ZAR1L: variants seen among roughly 807,000 people sequenced by gnomAD.
The protein encoded by ZAR1L is zygote arrest 1 like.
Under a neutral mutation model 30.0 loss-of-function variants are expected in ZAR1L, and 16 were observed. The observed-to-expected ratio is 0.53, with a 90% confidence interval of 0.36 to 0.81. The LOEUF is 0.81. Ranked by LOEUF, ZAR1L falls within the 30% of genes least tolerant of loss-of-function variation. The probability of loss-of-function intolerance (pLI) is 0.00; values close to 1 mark genes in which losing one functional copy is unlikely to be tolerated. For synonymous variants in ZAR1L, 197 were observed against 166.8 expected (o/e 1.18, Z -1.40); for missense variants, 392 against 417.2 (o/e 0.94, Z 0.53).
chr13:32,304,110 A>G (rs2072157709), intron 5 of ZAR1L, 88 bp from the exon 6 acceptor site: 2 of 1,369,546 alleles, frequency 1.5e-6, no homozygotes, highest in African/African-American at 2.9e-5. Context: ...TCTCCCTATT[A>G]CCCTATCCCT....
chr13:32,314,733 T>C (rs2072237324), intron 1 of ZAR1L, among the ~76,000 whole-genome samples, 183 bp from the exon 2 acceptor site: 1 of 152,098 alleles, frequency 6.6e-6, no homozygotes. Context: ...ATGCCTGTAT[T>C]CCCAGCTACT....
intron 2 of ZAR1L, 96 bp from the exon 3 acceptor site, chr13:32,312,189 T>C: frequency 2.3e-6 from 1 of 433,454 alleles, no homozygotes; most frequent in Non-Finnish European, 4.1e-6. Context: ...TCGGGAATCT[T>C]TTTTTCAAAG....
intron 5 of ZAR1L, among the ~76,000 whole-genome samples, chr13:32,306,043 C>CA (rs746140629): frequency 6.6e-6 from 1 of 151,970 alleles, no homozygotes; most frequent in Non-Finnish European, 1.5e-5. Context: ...ATATTTCCAG[C>CA]AAAAAATTGA....
At chr13:32,309,763 T>C (rs1054766512) in intron 4 of ZAR1L, among the ~76,000 whole-genome samples, 1 of 152,232 alleles carries the variant, frequency 6.6e-6, no homozygotes, top group Non-Finnish European at 1.5e-5. Context: ...TGTATCCTAG[T>C]GCCTTGGAAT....
At chr13:32,306,337 T>C (rs1269772453) in intron 5 of ZAR1L, among the ~76,000 whole-genome samples, 1 of 152,146 alleles carries the variant, frequency 6.6e-6, no homozygotes, top group Non-Finnish European at 1.5e-5. Flanking sequence ...AAGATAACAG[T>C]TGATAATTTC....
At chr13:32,307,891 C>A (rs1169924255) in intron 5 of ZAR1L, among the ~76,000 whole-genome samples, 1 of 152,160 alleles carries the variant, frequency 6.6e-6, no homozygotes, top group East Asian at 1.9e-4. Flanking sequence ...CAACCTCCTC[C>A]TCCTGGGTTC....
At chr13:32,304,234 C>T (rs2072158433) in intron 5 of ZAR1L, among the ~76,000 whole-genome samples, 1 of 152,056 alleles carries the variant, frequency 6.6e-6, no homozygotes, top group Admixed American at 6.5e-5. Context: ...AGAAGATATT[C>T]AAGAGAATAC....
At chr13:32,311,198 T>C in intron 3 of ZAR1L, 74 bp downstream of exon 3, 2 of 1,439,418 alleles carry the variant, frequency 1.4e-6, no homozygotes, top group South Asian at 2.9e-5. Flanking sequence ...TTTGCTCTTA[T>C]TGCCCCCATA....
rs758543912 is a variant in ZAR1L, at chr13:32,311,449, G to T, written c.477C>A (p.Gly159=). ...GDEAESKALP[G]PAEASQPQPP... ...GCTGCGGCTGGCTGGCCTCCGCAGG[G>T]CCCGGGAGCGCCTTGCTCTCCGCTT... Residue 159 remains glycine, a synonymous_variant, in exon 3 of 6, where the codon GGC becomes GGA. Coordinates refer to ENST00000533490, the MANE Select transcript of ZAR1L (RefSeq NM_001136571.2). 1.9e-6 allele frequency: 3 copies of T among 1,547,508 alleles called. No individual in the cohort carries two copies. The highest frequency in any genetic ancestry group is 2.4e-5 in the South Asian group (2 of 84,040).
At chr13:32,305,280 G>A (rs141375967) in intron 5 of ZAR1L, among the ~76,000 whole-genome samples, 1,672 of 151,228 alleles carry the variant, frequency 0.011, 36 homozygotes, top group African/African-American at 0.039. Context: ...AGGCTGGACT[G>A]CAGTGGCGCT....
intron 5 of ZAR1L, among the ~76,000 whole-genome samples, chr13:32,304,385 T>C (rs1321382151): frequency 1.3e-5 from 2 of 152,234 alleles, no homozygotes; most frequent in Non-Finnish European, 2.9e-5. Context: ...AAGAGTTTTA[T>C]AGCGTTTCTT....
At chr13:32,309,379 G>A (rs1043962977) in intron 4 of ZAR1L, among the ~76,000 whole-genome samples, 8 of 152,162 alleles carry the variant, frequency 5.3e-5, no homozygotes, top group Non-Finnish European at 1.5e-5. Context: ...TACTCAATGG[G>A]AAGTGGCTGC....
intron 4 of ZAR1L, among the ~76,000 whole-genome samples, chr13:32,309,660 A>C (rs2072199338): frequency 6.6e-6 from 1 of 152,238 alleles, no homozygotes; most frequent in South Asian, 2.1e-4. Context: ...CATATGAAGA[A>C]GGATGCTACT....
intron 3 of ZAR1L, 91 bp downstream of exon 3, chr13:32,311,181 A>G: frequency 7.4e-7 from 1 of 1,342,926 alleles, no homozygotes; most frequent in Non-Finnish European, 9.9e-7. Flanking sequence ...AAGAAGAGAG[A>G]GAAGATTTTG....
At chr13:32,312,977 A>C (rs1359535489) in intron 2 of ZAR1L, among the ~76,000 whole-genome samples, 1 of 152,226 alleles carries the variant, frequency 6.6e-6, no homozygotes, top group Admixed American at 6.5e-5. Context: ...AGCCAGATAG[A>C]AAAATACTGC....
intron 4 of ZAR1L, 123 bp downstream of exon 4, chr13:32,310,516 G>A (rs206110): frequency 1.4e-6 from 1 of 693,114 alleles, no homozygotes; most frequent in African/African-American, 1.8e-5. Context: ...CACCTGGCAC[G>A]GGGGATGCCA....
chr13:32,311,207 T>C (rs2072209441), intron 3 of ZAR1L, 65 bp downstream of exon 3: 11 of 1,456,490 alleles, frequency 7.6e-6, no homozygotes, highest in Admixed American at 2.6e-5. Context: ...ATTGCCCCCA[T>C]AGATGGAAAA....
chr13:32,308,548 T>C lies in ZAR1L; in HGVS notation c.822+138A>G, dbSNP rs1593874516. On this transcript the variant is annotated intron_variant, in intron 5 of 5. Transcript: ENST00000533490. ...TGCAAACTAGAATTTATGCTTTCAT[T>C]GTTCTAAAATGTAACATCTCAAACA... 4 of 616,578 alleles carry C rather than the reference T, an allele frequency of 6.5e-6. No individual in the cohort carries two copies. The East Asian group carries it at 1.2e-4, about 18-fold the overall frequency. 38.2% of individuals were successfully genotyped at this position (616,578 alleles called of 1,614,324 possible). A position where few individuals can be genotyped will look rare whatever the true frequency, so the allele number is the denominator to read the frequency against.
intron 1 of ZAR1L, among the ~76,000 whole-genome samples, chr13:32,315,053 T>C (rs2072240293): frequency 6.6e-6 from 1 of 152,026 alleles, no homozygotes; most frequent in South Asian, 2.1e-4. Context: ...TACCACTAAG[T>C]GAAGTCATCC....
Sources: gnomAD v4.1 joint callset for allele counts (sites outside exome capture counted in the v4.1 genomes callset) on GRCh38, gnomAD v4.1.1 for gene constraint, MANE v1.5 for transcripts, NCBI Gene and HGNC (gene_info 2026-07-23, HGNC 2026-07-21) for gene names.